NFKBIB: variants seen among roughly 807,000 people sequenced by gnomAD.
The protein encoded by NFKBIB is NFKB inhibitor beta.
A neutral mutation model predicts 32.1 loss-of-function variants in NFKBIB; 16 were observed. The observed-to-expected ratio is 0.50, with a 90% CI of 0.34 to 0.76. The LOEUF (loss-of-function observed/expected upper bound fraction) is 0.76, where lower values mean the gene tolerates loss of function less well. Ranked by LOEUF, NFKBIB falls within the 30% of genes least tolerant of loss-of-function variation. The pLI, the probability that NFKBIB is intolerant of heterozygous loss-of-function variation, is 0.01. For missense variants in NFKBIB, 437 were observed against 514.9 expected (o/e 0.85, Z 1.46); for synonymous variants, 222 against 219.5 (o/e 1.01, Z -0.10).
In NFKBIB at chr19:38,900,285, AGG is replaced by A. The variant is rs996658066; in HGVS notation, c.179+75_179+76del. 5.6e-5 allele frequency: 81 copies of A among 1,453,040 alleles called. No individual in the cohort carries two copies. In the African/African-American group the frequency reaches 7.9e-4, roughly 14 times the overall value. The allele number at this position is 1,453,040 out of a possible 1,614,324, so 90.0% of individuals were successfully genotyped here. On this transcript the variant is annotated intron_variant, in intron 1 of 5. Coordinates refer to ENST00000313582, the MANE Select transcript of NFKBIB (RefSeq NM_002503.5). Reference sequence around the variant, plus strand: ...ATTCCTCATTAATCTCTGATCCCTGAGGCTTCCTAACCTCATACTCCTAAATC... The same window carrying A: ...ATTCCTCATTAATCTCTGATCCCTGACTTCCTAACCTCATACTCCTAAATC...
At chr19:38,907,185 C>A in intron 3 of NFKBIB, 36 bp from the exon 4 acceptor site, 1 of 1,571,706 alleles carries the variant, frequency 6.4e-7, no homozygotes, top group South Asian at 1.1e-5. Flanking sequence ...GGGGGGCCCT[C>A]ACCTCATCAT....
At chr19:38,906,160 C>T in intron 3 of NFKBIB, among the ~76,000 whole-genome samples, 1 of 102,326 alleles carries the variant, frequency 9.8e-6, no homozygotes, top group Non-Finnish European at 1.7e-5. Context: ...TTTTTTGAGA[C>T]AGTCTCACTC....
chr19:38,904,451 T>C (rs538438950), intron 1 of NFKBIB, among the ~76,000 whole-genome samples: 2 of 145,800 alleles, frequency 1.4e-5, no homozygotes, highest in African/African-American at 5.0e-5. Context: ...CCTCCTGCAG[T>C]TCCCCAGCAA....
At chr19:38,908,209 G>A in intron 5 of NFKBIB, 1 of 993,314 alleles carries the variant, frequency 1.0e-6, no homozygotes, top group African/African-American at 1.7e-5. Flanking sequence ...CTCTGGAGTG[G>A]CGGCTGGCTA....
chr19:38,905,676 A>C lies in NFKBIB; in HGVS notation c.619+141A>C. ...AGGAGCCCACACATCGGGACCAGGG[A>C]CCTCCACTCAGGGCCCAGATGATTG... On this transcript the variant is annotated intron_variant, in intron 3 of 5. Transcript: ENST00000313582. This position sits in a 1 kb window ranked among gnomAD's most constrained non-coding sequence, Gnocchi z 5.5. The C allele has an allele frequency of 3.1e-6, 2 of 654,922 alleles. No individual in the cohort carries two copies. The highest frequency in any genetic ancestry group is 5.1e-6 in the Non-Finnish European group (2 of 389,238). 40.6% of individuals were successfully genotyped at this position (654,922 alleles called of 1,614,324 possible). A position where few individuals can be genotyped will look rare whatever the true frequency, so the allele number is the denominator to read the frequency against.
chr19:38,900,748 A>T lies in NFKBIB; in HGVS notation c.179+537A>T, dbSNP rs959577272. Among the ~76,000 whole-genome samples, 4 of 152,244 alleles carry T rather than the reference A, an allele frequency of 2.6e-5. No homozygotes were observed. The East Asian group carries it at 7.7e-4, about 29-fold the overall frequency. On this transcript the variant is annotated intron_variant, in intron 1 of 5. Coordinates refer to ENST00000313582, the MANE Select transcript of NFKBIB (RefSeq NM_002503.5). ...AAAAAAAGAATGTTAGCTCCATGAG[A>T]CCAAGGATTCATCTGTTAAACAAAT...
At chr19:38,901,638 C>T (rs1347455582) in intron 1 of NFKBIB, among the ~76,000 whole-genome samples, 4 of 152,104 alleles carry the variant, frequency 2.6e-5, no homozygotes, top group South Asian at 4.1e-4. Context: ...ATTACAGGCA[C>T]GTGCCCCCAC....
chr19:38,905,742 C>T lies in NFKBIB; in HGVS notation c.619+207C>T, dbSNP rs1974099437. Among the ~76,000 whole-genome samples the T allele has an allele frequency of 6.6e-6, 1 of 152,242 alleles. No homozygotes were observed. Among genetic ancestry groups the T allele is most frequent in the Admixed American group, 6.5e-5 (1 of 15,290 alleles). ...GGACCCAGGACCCCCACCTGGAGGCCCCAGGTCACTTGGGATGCAGACCTG... is the reference window on the plus strand; with the variant it reads ...GGACCCAGGACCCCCACCTGGAGGCTCCAGGTCACTTGGGATGCAGACCTG... On this transcript the variant is annotated intron_variant, in intron 3 of 5. Coordinates refer to ENST00000313582, the MANE Select transcript of NFKBIB (RefSeq NM_002503.5). This position sits in a 1 kb window ranked among gnomAD's most constrained non-coding sequence, Gnocchi z 5.5.
intron 1 of NFKBIB, among the ~76,000 whole-genome samples, chr19:38,900,569 G>A (rs770281442): frequency 1.3e-5 from 2 of 152,046 alleles, no homozygotes; most frequent in Non-Finnish European, 2.9e-5. Context: ...TTCCCGATTT[G>A]AGCCCTAGAG....
chr19:38,904,933 A>G (rs767650516), intron 1 of NFKBIB, 82 bp from the exon 2 acceptor site: 220 of 1,342,170 alleles, frequency 1.6e-4, no homozygotes, highest in Admixed American at 2.8e-4. Context: ...GGCCTAGCAT[A>G]CAGTAGGCGC....
At chr19:38,900,614 C>T (rs1171466862) in intron 1 of NFKBIB, among the ~76,000 whole-genome samples, 2 of 152,126 alleles carry the variant, frequency 1.3e-5, no homozygotes, top group East Asian at 3.9e-4. Context: ...GTCCCTGACT[C>T]TAAGATCCTG....
rs1192646376 is a variant in NFKBIB at position 38,900,006 on chromosome 19, C to A, written c.-27C>A. On this transcript the variant is annotated 5_prime_UTR_variant, in exon 1 of 6. Coordinates refer to ENST00000313582, the MANE Select transcript of NFKBIB (RefSeq NM_002503.5). ...AAGCCCAGCTACAGGCGGGCGACTG[C>A]GGGGGGCCCCTGAGGCGGCGGGGGC... 2 of 1,443,980 alleles carry A rather than the reference C, an allele frequency of 1.4e-6. No individual in the cohort carries two copies. The highest frequency in any genetic ancestry group is 9.1e-7 in the Non-Finnish European group (1 of 1,101,718). The allele number at this position is 1,443,980 out of a possible 1,614,324, so 89.4% of individuals were successfully genotyped here. A position where few individuals can be genotyped will look rare whatever the true frequency, so the allele number is the denominator to read the frequency against.
At position 38,905,365 on chromosome 19, in the gene NFKBIB, G is replaced by C. The variant is rs199908107; in HGVS notation, c.449G>C (p.Arg150Pro). Residue 150 changes from arginine to proline, a missense_variant, in exon 3 of 6, where the codon CGC (arginine) becomes CCC (proline). Transcript: ENST00000313582. The surrounding 1 kb of genome is among the most constrained non-coding windows in gnomAD (Gnocchi z 5.5). ...TGTGCCCGTGCCCTGCTTCAGCCCC[G>C]CCCCCGGCGCCCCAGGGAAGCCCCC... ...HACARALLQPRPRRPREAPDT... is the reference protein window; with the variant it reads ...HACARALLQPPPRRPREAPDT... 1 of 1,612,180 alleles carries C rather than the reference G, an allele frequency of 6.2e-7. No homozygotes were observed. Among genetic ancestry groups the C allele is most frequent in the Admixed American group, 1.7e-5 (1 of 59,932 alleles).
At chr19:38,900,556 T>C (rs568218852) in intron 1 of NFKBIB, among the ~76,000 whole-genome samples, 14 of 152,346 alleles carry the variant, frequency 9.2e-5, no homozygotes, top group African/African-American at 3.1e-4. Flanking sequence ...CTTTGATTCT[T>C]AGTTCCCGAT....
rs138293871 is a variant in NFKBIB at position 38,908,814 on chromosome 19, C to G, written c.1053C>G (p.Asp351Glu). The change falls in exon 6 of 6, where the codon GAC becomes GAG. Residue 351 changes from aspartate (D) to glutamate (E), a missense_variant. By Grantham distance (45) the Asp-to-Glu change is conservative. Coordinates refer to ENST00000313582, the MANE Select transcript of NFKBIB (RefSeq NM_002503.5). ...CCCCAGCCTCAAAACCTCTTCCTGACGACCCCCGCCCCGTGTGATTTGTTT... is the reference window on the plus strand; with the variant it reads ...CCCCAGCCTCAAAACCTCTTCCTGAGGACCCCCGCCCCGTGTGATTTGTTT... ...PPTPASKPLP[D>E]DPRPV The G allele has an allele frequency of 6.9e-5, 112 of 1,612,970 alleles. No homozygotes were observed. Among genetic ancestry groups the G allele is most frequent in the Non-Finnish European group, 9.4e-5 (111 of 1,179,740 alleles).
In NFKBIB at chr19:38,905,798, A is replaced by G. The variant is rs1351736521; in HGVS notation, c.619+263A>G. On this transcript the variant is annotated intron_variant, in intron 3 of 5. Coordinates refer to ENST00000313582, the MANE Select transcript of NFKBIB (RefSeq NM_002503.5). The surrounding 1 kb of genome is among the most constrained non-coding windows in gnomAD (Gnocchi z 5.5). ...CACAGACCCAGAGCTGCCAGGATCC[A>G]GTTGTCGGGCCCCCGGGCTCCCCAC... 6.6e-6 allele frequency among the ~76,000 whole-genome samples: 1 copy of G among 151,996 alleles called. No homozygotes were observed. Among genetic ancestry groups the G allele is most frequent in the African/African-American group, 2.4e-5 (1 of 41,374 alleles).
chr19:38,908,699 G>A, intron 5 of NFKBIB, 32 bp from the exon 6 acceptor site: 1 of 1,591,662 alleles, frequency 6.3e-7, no homozygotes, highest in South Asian at 1.1e-5. Flanking sequence ...ACAGCCGCCT[G>A]AGCCCCTCTG....
chr19:38,907,618 C>T lies in NFKBIB; in HGVS notation c.928C>T (p.Pro310Ser), dbSNP rs746599036. ...EPEGEDEKSG[P>S]CSSSSDSDSG... is the part of the protein sequence containing the mutation. ...CGAGGGCGAGGACGAGAAATCCGGC[C>T]CCTGCAGCAGCAGTAGCGACAGCGA... Residue 310 changes from proline (P) to serine (S), a missense_variant, in exon 5 of 6, where the codon CCC (proline) becomes TCC (serine). Coordinates refer to ENST00000313582, the MANE Select transcript of NFKBIB (RefSeq NM_002503.5). The T allele has an allele frequency of 1.9e-6, 3 of 1,611,080 alleles. No homozygotes were observed. Among genetic ancestry groups the T allele is most frequent in the Non-Finnish European group, 2.5e-6 (3 of 1,179,228 alleles).
At chr19:38,908,574 G>T in intron 5 of NFKBIB, 157 bp from the exon 6 acceptor site, 1 of 1,311,606 alleles carries the variant, frequency 7.6e-7, no homozygotes, top group Non-Finnish European at 9.7e-7. Flanking sequence ...AAAAGAAAAT[G>T]GAGTTCTGAG....
Sources: allele counts gnomAD v4.1 joint callset (sites outside exome capture counted in the v4.1 genomes callset), GRCh38; gene constraint gnomAD v4.1.1; non-coding constraint Gnocchi (gnomAD v3.1); transcripts MANE v1.5; gene names NCBI Gene and HGNC (gene_info 2026-07-23, HGNC 2026-07-21).